FGF14: variants seen among roughly 807,000 people sequenced by gnomAD.
The protein encoded by FGF14 is fibroblast growth factor 14, also known as fibroblast growth factor homologous factor 4.
In FGF14, 5 loss-of-function variants were observed where a neutral mutation model predicts 25.5. The ratio of observed to expected loss-of-function variants is 0.20; its 90% CI spans 0.10 to 0.41. FGF14 has a LOEUF of 0.41. FGF14 is among the 10% of genes least tolerant of loss of function. The pLI, the probability that FGF14 is intolerant of heterozygous loss-of-function variation, is 1.00. For missense variants in FGF14, 222 were observed against 320.1 expected, an observed-to-expected ratio of 0.69 and a Z score of 2.34; for synonymous variants, 138 against 118.3, an observed-to-expected ratio of 1.17 and a Z score of -1.08.
intron 1 of FGF14, among the ~76,000 whole-genome samples, chr13:102,156,796 A>C (rs1382915549): frequency 6.6e-6 from 1 of 152,206 alleles, no homozygotes; most frequent in African/African-American, 2.4e-5. Flanking sequence ...TTAAGCTGAT[A>C]AGCAACTTCA....
intron 1 of FGF14, among the ~76,000 whole-genome samples, chr13:102,039,684 C>T (rs981499169): frequency 2.0e-5 from 3 of 152,092 alleles, no homozygotes; most frequent in Non-Finnish European, 2.9e-5. Flanking sequence ...AACTTGATTA[C>T]GTCTGCTAAG....
chr13:101,766,253 CGT>C (rs2139938724), intron 3 of FGF14, among the ~76,000 whole-genome samples: 1 of 152,226 alleles, frequency 6.6e-6, no homozygotes, highest in South Asian at 2.1e-4. Context: ...AGTCAAGGCA[CGT>C]GTGTGTTTCC....
chr13:101,945,489 T>C (rs1397530481), intron 1 of FGF14, among the ~76,000 whole-genome samples: 1 of 152,242 alleles, frequency 6.6e-6, no homozygotes, highest in Non-Finnish European at 1.5e-5. Flanking sequence ...CAATTGCTGC[T>C]GGAGTTGGGG....
At chr13:102,334,245 T>A (rs2056723039) in intron 1 of FGF14, among the ~76,000 whole-genome samples, 1 of 152,154 alleles carries the variant, frequency 6.6e-6, no homozygotes, top group Admixed American at 6.6e-5. Flanking sequence ...TAGGCAAATG[T>A]TAAGTTGATT....
At chr13:102,177,618 T>C (rs2048500818) in intron 1 of FGF14, among the ~76,000 whole-genome samples, 1 of 152,136 alleles carries the variant, frequency 6.6e-6, no homozygotes, top group South Asian at 2.1e-4. Context: ...TATAATGTTT[T>C]GTCAGCAAGT....
intron 1 of FGF14, among the ~76,000 whole-genome samples, chr13:102,022,939 G>C (rs908850183): frequency 4.6e-5 from 7 of 151,668 alleles, no homozygotes; most frequent in African/African-American, 1.7e-4. Flanking sequence ...GTGAAGCCTT[G>C]TGCTGGGCTC....
chr13:102,304,918 G>C (rs1221542536), intron 1 of FGF14, among the ~76,000 whole-genome samples: 1 of 152,156 alleles, frequency 6.6e-6, no homozygotes, highest in Non-Finnish European at 1.5e-5. Context: ...AGACACTCCT[G>C]AATTCCTGAC....
At chr13:102,062,246 A>G (rs892225226) in intron 1 of FGF14, among the ~76,000 whole-genome samples, 5 of 152,192 alleles carry the variant, frequency 3.3e-5, no homozygotes, top group Admixed American at 3.3e-4. Context: ...AGATACTCAG[A>G]TGGAGTTAAA....
chr13:101,853,380 GA>G (rs1352398261), intron 3 of FGF14, among the ~76,000 whole-genome samples: 1 of 152,060 alleles, frequency 6.6e-6, no homozygotes. Flanking sequence ...TCTTCATAGT[GA>G]AAGCAATAAT....
At chr13:102,106,695 A>T (rs934842494) in intron 1 of FGF14, among the ~76,000 whole-genome samples, 1 of 152,184 alleles carries the variant, frequency 6.6e-6, no homozygotes, top group Non-Finnish European at 1.5e-5. Flanking sequence ...ACATGATCAC[A>T]AGGTAGACAT....
intron 1 of FGF14, among the ~76,000 whole-genome samples, chr13:101,934,034 T>C (rs2034940678): frequency 6.6e-6 from 1 of 152,352 alleles, no homozygotes; most frequent in South Asian, 2.1e-4. Flanking sequence ...TCAACTCTTG[T>C]ATTCAATTTG....
chr13:101,769,501 T>C (rs1251454412), intron 3 of FGF14, among the ~76,000 whole-genome samples: 1 of 152,194 alleles, frequency 6.6e-6, no homozygotes, highest in Non-Finnish European at 1.5e-5. Context: ...AAAACCTGCA[T>C]GCAAATATCT....
intron 1 of FGF14, among the ~76,000 whole-genome samples, chr13:102,181,182 T>A (rs1354406985): frequency 2.6e-5 from 4 of 152,138 alleles, no homozygotes; most frequent in East Asian, 1.9e-4. Context: ...TGTTATTTTT[T>A]AAAAAAGTTT....
intron 1 of FGF14, among the ~76,000 whole-genome samples, chr13:102,102,237 A>G (rs993273792): frequency 6.6e-6 from 1 of 152,212 alleles, no homozygotes; most frequent in Non-Finnish European, 1.5e-5. Context: ...ACAAGGTGTA[A>G]GAAGAAATGG....
chr13:102,106,252 T>G (rs1028408240), intron 1 of FGF14, among the ~76,000 whole-genome samples: 1 of 152,204 alleles, frequency 6.6e-6, no homozygotes, highest in African/African-American at 2.4e-5. Flanking sequence ...ATATAAAAGA[T>G]GTAACAGTAA....
intron 1 of FGF14, among the ~76,000 whole-genome samples, chr13:102,225,429 C>A (rs1004379247): frequency 1.3e-5 from 2 of 152,138 alleles, no homozygotes; most frequent in African/African-American, 4.8e-5. Flanking sequence ...TATTTCAAGC[C>A]CTTTCAAACC....
intron 1 of FGF14, among the ~76,000 whole-genome samples, chr13:102,326,778 A>G (rs1408592528): frequency 6.0e-5 from 9 of 150,476 alleles, no homozygotes; most frequent in African/African-American, 2.0e-4. Context: ...AAGGAAGAAA[A>G]AAAAGGAAGG....
At chr13:102,300,180 C>G (rs1357558397) in intron 1 of FGF14, 1 of 152,108 alleles carries the variant, frequency 6.6e-6, no homozygotes, top group South Asian at 2.1e-4. Flanking sequence ...TATACCAGAA[C>G]TGATTGTTTT....
intron 1 of FGF14, among the ~76,000 whole-genome samples, chr13:102,126,056 G>T (rs1020446281): frequency 6.6e-6 from 1 of 152,102 alleles, no homozygotes; most frequent in African/African-American, 2.4e-5. Flanking sequence ...CTAAGCTAAA[G>T]AGGCCTTGGA....
Sources: gnomAD v4.1 joint callset for allele counts (sites outside exome capture counted in the v4.1 genomes callset) on GRCh38, gnomAD v4.1.1 for gene constraint, MANE v1.5 for transcripts, NCBI Gene and HGNC (gene_info 2026-07-23, HGNC 2026-07-21) for gene names.